GPHN: variants seen among roughly 807,000 people sequenced by gnomAD.
GPHN encodes gephyrin.
A neutral mutation model predicts 95.5 loss-of-function variants in GPHN; 17 were observed. That is an observed-to-expected ratio of 0.18 (90% CI 0.12 to 0.27). The LOEUF (loss-of-function observed/expected upper bound fraction) is 0.27, where lower values mean the gene tolerates loss of function less well. GPHN is among the 10% of genes least tolerant of loss of function. GPHN has a pLI of 1.00. For synonymous variants in GPHN, 320 were observed against 322.5 expected, an observed-to-expected ratio of 0.99 and a Z score of 0.08; for missense variants, 660 against 978.1, an observed-to-expected ratio of 0.67 and a Z score of 4.34.
the GPHN span, among the ~76,000 whole-genome samples, chr14:67,322,766 A>AC: frequency 0.15 from 23,545 of 152,180 alleles, 3,434 homozygotes; most frequent in East Asian, 0.42. Flanking sequence ...TTAACAAAGA[A>AC]CTCAGCATAT....
At chr14:67,021,802 C>G (rs2073642111) in intron 9 of GPHN, among the ~76,000 whole-genome samples, 1 of 152,048 alleles carries the variant, frequency 6.6e-6, no homozygotes, top group Non-Finnish European at 1.5e-5. Context: ...GGAATAGAGG[C>G]TACGACTTAA....
At position 66,782,787 on chromosome 14, in the gene GPHN, G is replaced by T. The variant is rs201187050; in HGVS notation, c.201+6266G>T. On this transcript the variant is annotated intron_variant, in intron 3 of 22. Coordinates refer to ENST00000478722, the MANE Select transcript of GPHN (RefSeq NM_020806.5). ...GGTGGAGGATGCAGTGAGCTGAGATGGTGCCACTGCACTCCACCCTGGATG... is the reference window on the plus strand; with the variant it reads ...GGTGGAGGATGCAGTGAGCTGAGATTGTGCCACTGCACTCCACCCTGGATG... 5.7e-4 allele frequency among the ~76,000 whole-genome samples: 86 copies of T among 152,102 alleles called. 1 individual carries two copies. In the East Asian group the frequency reaches 0.015, roughly 27 times the overall value.
chr14:66,822,241 C>A (rs1218996192), intron 3 of GPHN, among the ~76,000 whole-genome samples: 1 of 152,176 alleles, frequency 6.6e-6, no homozygotes, highest in African/African-American at 2.4e-5. Flanking sequence ...TGAGCCACTG[C>A]GTCCAGCCAA....
chr14:66,825,184 G>T (rs2061346101), intron 4 of GPHN, among the ~76,000 whole-genome samples: 1 of 151,920 alleles, frequency 6.6e-6, no homozygotes, highest in African/African-American at 2.4e-5. Flanking sequence ...AATATGGGGG[G>T]GGATGTATTT....
chr14:66,824,865 A>T (rs566528466), intron 4 of GPHN, among the ~76,000 whole-genome samples: 4 of 152,264 alleles, frequency 2.6e-5, no homozygotes, highest in Admixed American at 2.0e-4. Context: ...GTGATAGCAG[A>T]ATTCTGATGG....
chr14:66,618,361 AGCTACTGC>A, intron 1 of GPHN, among the ~76,000 whole-genome samples: 1 of 152,258 alleles, frequency 6.6e-6, no homozygotes, highest in Admixed American at 6.5e-5. Flanking sequence ...TACTGGTGTG[AGCTACTGC>A]GCCCGGCCGA....
the GPHN span, among the ~76,000 whole-genome samples, chr14:67,495,082 G>A: frequency 3.9e-5 from 6 of 152,276 alleles, no homozygotes; most frequent in East Asian, 1.2e-3. Flanking sequence ...TAAATAAAAA[G>A]TTTGGAGGCA....
At chr14:67,387,463 AGAAAAAAGGGG>A in the GPHN span, 1 of 1,598,498 alleles carries the variant, frequency 6.3e-7, no homozygotes, top group South Asian at 1.1e-5. Flanking sequence ...ACCCCTAGGC[AGAAAAAAGGGG>A]GAAAAAAATC....
chr14:67,437,192 G>A, the GPHN span, among the ~76,000 whole-genome samples: 463 of 152,342 alleles, frequency 3.0e-3, 1 homozygote, highest in African/African-American at 0.011. Flanking sequence ...GTGAAATGCT[G>A]TGCTGGGAAG....
At chr14:67,380,770 AT>A in the GPHN span, 1 of 1,469,196 alleles carries the variant, frequency 6.8e-7, no homozygotes, top group South Asian at 1.4e-5. Context: ...GAGCAGGTAA[AT>A]GATTTTTTAA....
chr14:67,632,890 G>A, the GPHN span, among the ~76,000 whole-genome samples: 3 of 132,714 alleles, frequency 2.3e-5, no homozygotes, highest in South Asian at 2.5e-4. Context: ...GCGTGATCTC[G>A]GCTCACTGCA....
At chr14:67,253,963 GT>G in the GPHN span, among the ~76,000 whole-genome samples, 38 of 137,160 alleles carry the variant, frequency 2.8e-4, no homozygotes, top group African/African-American at 7.1e-4. Context: ...ATTTTGTTTT[GT>G]TTTTTTTTTT....
intron 1 of GPHN, among the ~76,000 whole-genome samples, chr14:66,619,795 A>G (rs1013315821): frequency 2.0e-5 from 3 of 152,170 alleles, no homozygotes; most frequent in Non-Finnish European, 2.9e-5. Context: ...GTTCATTGGT[A>G]GTATGTAGAA....
At chr14:67,538,179 T>C in the GPHN span, among the ~76,000 whole-genome samples, 4 of 152,210 alleles carry the variant, frequency 2.6e-5, no homozygotes, top group Non-Finnish European at 4.4e-5. Flanking sequence ...TCCCCATTTA[T>C]TTTTTGCCAT....
intron 1 of GPHN, among the ~76,000 whole-genome samples, chr14:66,544,515 C>T (rs1254807434): frequency 1.3e-5 from 2 of 151,902 alleles, no homozygotes; most frequent in Non-Finnish European, 2.9e-5. Context: ...TAGTGCCTTG[C>T]ACATTGTAAG....
the GPHN span, among the ~76,000 whole-genome samples, chr14:67,656,751 C>T: frequency 6.6e-6 from 1 of 152,204 alleles, no homozygotes; most frequent in Non-Finnish European, 1.5e-5. Flanking sequence ...TTCAAGGTCA[C>T]AGACTAAAGC....
chr14:67,265,956 T>A, the GPHN span, among the ~76,000 whole-genome samples: 14 of 152,112 alleles, frequency 9.2e-5, 1 homozygote, highest in South Asian at 1.0e-3. Flanking sequence ...AAAAAACTTT[T>A]AAAAAAAATC....
At chr14:67,214,099 C>G in the GPHN span, among the ~76,000 whole-genome samples, 1 of 152,156 alleles carries the variant, frequency 6.6e-6, no homozygotes. Flanking sequence ...CGAAAATGTC[C>G]TCCCATTTTA....
intron 4 of GPHN, chr14:66,842,706 T>C (rs1395090749): frequency 3.9e-6 from 6 of 1,533,742 alleles, no homozygotes; most frequent in Non-Finnish European, 5.2e-6. Flanking sequence ...TTTTGTGGGC[T>C]CCAGAAAGGG....
Sources: allele counts gnomAD v4.1 joint callset (sites outside exome capture counted in the v4.1 genomes callset), GRCh38; gene constraint gnomAD v4.1.1; transcripts MANE v1.5; gene names NCBI Gene and HGNC (gene_info 2026-07-23, HGNC 2026-07-21).